Variants in HYAL4 observed in about 807,000 individuals in gnomAD.
The protein encoded by HYAL4 is hyaluronidase-4.
In HYAL4, 37 loss-of-function variants were observed where a neutral mutation model predicts 35.2. The ratio of observed to expected loss-of-function variants is 1.05; its 90% CI spans 0.81 to 1.38. The LOEUF is 1.38. HYAL4 is among the 40% of genes most tolerant of loss of function. The pLI is 0.00. For synonymous variants in HYAL4, 198 were observed against 203.2 expected (o/e 0.97, Z 0.22); for missense variants, 572 against 572.4 (o/e 1.00, Z 0.01).
chr7:123,849,683 A>G (rs1296378349), intron 2 of HYAL4, among the ~76,000 whole-genome samples: 1 of 152,160 alleles, frequency 6.6e-6, no homozygotes, highest in Non-Finnish European at 1.5e-5. Context: ...CTTCATAGAC[A>G]TGCTGACTTG....
the HYAL4 span, among the ~76,000 whole-genome samples, chr7:123,807,307 GA>G: frequency 6.6e-6 from 1 of 151,382 alleles, no homozygotes; most frequent in South Asian, 2.1e-4. Flanking sequence ...TTATCTCTTT[GA>G]GAAAACTAAA....
At chr7:123,797,117 A>G in the HYAL4 span, among the ~76,000 whole-genome samples, 1 of 152,214 alleles carries the variant, frequency 6.6e-6, no homozygotes, top group South Asian at 2.1e-4. Flanking sequence ...TGGTATTCAT[A>G]TGGGGGCAAA....
At chr7:123,876,523 C>T (rs1318049460) in intron 4 of HYAL4, among the ~76,000 whole-genome samples, 1 of 152,164 alleles carries the variant, frequency 6.6e-6, no homozygotes, top group African/African-American at 2.4e-5. Context: ...AACATAGTAT[C>T]CATCTCCTGC....
At chr7:123,841,162 C>G (rs1238951575), upstream of HYAL4, among the ~76,000 whole-genome samples, 1 of 151,806 alleles carries the variant, frequency 6.6e-6, no homozygotes, top group African/African-American at 2.4e-5. Flanking sequence ...GATATGTTCC[C>G]TCAATACCTA....
chr7:123,786,316 A>G, the HYAL4 span, among the ~76,000 whole-genome samples: 3 of 152,250 alleles, frequency 2.0e-5, no homozygotes. Context: ...CTTGGTTGCC[A>G]ATGATGCTGA....
chr7:123,773,111 T>A, the HYAL4 span, among the ~76,000 whole-genome samples: 1 of 152,236 alleles, frequency 6.6e-6, no homozygotes, highest in Admixed American at 6.5e-5. Context: ...TGAAAGCTAC[T>A]GGAAGTCTTT....
the HYAL4 span, among the ~76,000 whole-genome samples, chr7:123,776,990 AGG>A: frequency 6.6e-6 from 1 of 152,216 alleles, no homozygotes; most frequent in East Asian, 1.9e-4. Flanking sequence ...ATTACGGTGA[AGG>A]GGAATTTTGC....
chr7:123,819,114 C>T, the HYAL4 span, among the ~76,000 whole-genome samples: 3 of 152,136 alleles, frequency 2.0e-5, no homozygotes, highest in African/African-American at 4.8e-5. Context: ...ACCTCAGCCT[C>T]GGGTAATCAC....
the HYAL4 span, among the ~76,000 whole-genome samples, chr7:123,790,911 C>T: frequency 6.6e-6 from 1 of 151,698 alleles, no homozygotes; most frequent in South Asian, 2.1e-4. Flanking sequence ...ATTACAGGCA[C>T]CCACCACCAC....
At chr7:123,866,111 G>A (rs977356223) in intron 2 of HYAL4, among the ~76,000 whole-genome samples, 4 of 152,148 alleles carry the variant, frequency 2.6e-5, no homozygotes, top group African/African-American at 7.2e-5. Flanking sequence ...TTCAAGATGA[G>A]ATTTGGCTGG....
chr7:123,864,725 A>C (rs1388405422), intron 2 of HYAL4, among the ~76,000 whole-genome samples: 2 of 151,612 alleles, frequency 1.3e-5, no homozygotes, highest in South Asian at 2.1e-4. Context: ...TGGTGAAGGA[A>C]GGACAAGAGA....
intron 1 of HYAL4, among the ~76,000 whole-genome samples, chr7:123,846,853 C>G (rs547802241): frequency 2.0e-5 from 3 of 152,318 alleles, no homozygotes; most frequent in African/African-American, 7.2e-5. Context: ...TTTCACTCAG[C>G]TCTCTGAATC....
intron 2 of HYAL4, among the ~76,000 whole-genome samples, chr7:123,865,961 G>C (rs892254068): frequency 6.6e-6 from 1 of 152,158 alleles, no homozygotes; most frequent in Non-Finnish European, 1.5e-5. Context: ...AGCATGCTCA[G>C]GGGAACCACC....
chr7:123,788,635 AT>A, the HYAL4 span, among the ~76,000 whole-genome samples: 1 of 152,232 alleles, frequency 6.6e-6, no homozygotes, highest in Non-Finnish European at 1.5e-5. Context: ...CACACTGTTC[AT>A]GGAGGGTACA....
rs1444731960 is a variant in HYAL4 at position 123,868,635 on chromosome 7, A to G, written c.362A>G (p.His121Arg). 2 of 1,614,122 alleles carry G rather than the reference A, an allele frequency of 1.2e-6. No individual in the cohort carries two copies. Among genetic ancestry groups the G allele is most frequent in the South Asian group, 2.2e-5 (2 of 91,044 alleles). ...GLPQNISLQV[H>R]LEKADQDINY... ...CCACAGAACATAAGTTTACAAGTAC[A>G]TCTGGAAAAAGCTGACCAAGATATT... The change falls in exon 3 of 5, where the codon CAT (histidine) becomes CGT (arginine). Residue 121 changes from histidine to arginine, a missense_variant. Coordinates refer to ENST00000223026, the MANE Select transcript of HYAL4 (RefSeq NM_012269.3).
the HYAL4 span, among the ~76,000 whole-genome samples, chr7:123,772,908 C>T: frequency 1.2e-4 from 19 of 152,172 alleles, no homozygotes; most frequent in Admixed American, 5.9e-4. Context: ...AGTTAAAAAA[C>T]GAAATCTGAT....
At chr7:123,789,258 G>A in the HYAL4 span, among the ~76,000 whole-genome samples, 1 of 152,182 alleles carries the variant, frequency 6.6e-6, no homozygotes, top group Admixed American at 6.5e-5. Flanking sequence ...AGTATAAGAC[G>A]AATGGAGTTT....
At chr7:123,872,739 G>A (rs1806916822) in intron 3 of HYAL4, among the ~76,000 whole-genome samples, 3 of 152,154 alleles carry the variant, frequency 2.0e-5, no homozygotes, top group South Asian at 2.1e-4. Flanking sequence ...TCCTAGCTGG[G>A]TAGTGCCCTT....
At chr7:123,803,507 A>G in the HYAL4 span, among the ~76,000 whole-genome samples, 3 of 152,144 alleles carry the variant, frequency 2.0e-5, no homozygotes, top group Non-Finnish European at 4.4e-5. Context: ...TGTGTTCCTT[A>G]TCTTTAGGTA....
Sources: allele counts gnomAD v4.1 joint callset (sites outside exome capture counted in the v4.1 genomes callset), GRCh38; gene constraint gnomAD v4.1.1; transcripts MANE v1.5; gene names NCBI Gene and HGNC (gene_info 2026-07-23, HGNC 2026-07-21).